Variants in CCDC3 observed in about 807,000 individuals in gnomAD.
CCDC3 encodes the protein coiled-coil domain containing 3, also known as coiled-coil domain-containing protein 3.
In CCDC3, 24 loss-of-function variants were observed where a neutral mutation model predicts 21.4. That is an observed-to-expected ratio of 1.12 (90% CI 0.81 to 1.58). CCDC3 has a LOEUF of 1.58. Ranked by LOEUF, CCDC3 falls within the 40% of genes most tolerant of loss-of-function variation. The pLI is 0.00. For synonymous variants in CCDC3, 186 were observed against 166.0 expected, an observed-to-expected ratio of 1.12 and a Z score of -0.93; for missense variants, 425 against 360.9, an observed-to-expected ratio of 1.18 and a Z score of -1.44.
intron 2 of CCDC3, among the ~76,000 whole-genome samples, chr10:12,956,855 T>C (rs551342596): frequency 4.6e-5 from 7 of 152,236 alleles, no homozygotes; most frequent in Admixed American, 3.9e-4. Context: ...TGATCCAATC[T>C]CCCTTAAGTT....
At chr10:12,938,636 T>A (rs1834775265) in intron 2 of CCDC3, among the ~76,000 whole-genome samples, 1 of 152,240 alleles carries the variant, frequency 6.6e-6, no homozygotes, top group South Asian at 2.1e-4. Context: ...GTTGAGTTAA[T>A]GTGCAAAATA....
chr10:12,911,274 C>T (rs1834267047), intron 2 of CCDC3, among the ~76,000 whole-genome samples: 1 of 152,112 alleles, frequency 6.6e-6, no homozygotes, highest in African/African-American at 2.4e-5. Context: ...CTTTCTTCCA[C>T]TAGACTAAAA....
chr10:13,059,379 C>T (rs1463171913), intron 4 of CCDC3, among the ~76,000 whole-genome samples: 1 of 152,168 alleles, frequency 6.6e-6, no homozygotes, highest in African/African-American at 2.4e-5. Flanking sequence ...ACTGGTTAAG[C>T]ATTAAAATTT....
Position 12,998,202 on chromosome 10 carries a change from G to A in CCDC3, c.549+136C>T, listed in dbSNP as rs773528287. On this transcript the variant is annotated intron_variant, in intron 2 of 2. Transcript: ENST00000378825. ...TGGGAGGTAAGGAGGGATAGCAGGA[G>A]AGAGAGAGGGCATACGCTAATACTC... The A allele has an allele frequency of 1.1e-4, 93 of 847,276 alleles. 2 individuals carry two copies. The South Asian group carries it at 1.2e-3, about 11-fold the overall frequency. 52.5% of individuals were successfully genotyped at this position (847,276 alleles called of 1,614,324 possible). A position where few individuals can be genotyped will look rare whatever the true frequency, so the allele number is the denominator to read the frequency against.
At chr10:12,985,538 G>A (rs56973740) in intron 2 of CCDC3, among the ~76,000 whole-genome samples, 2,351 of 152,306 alleles carry the variant, frequency 0.015, 66 homozygotes, top group African/African-American at 0.054. Context: ...ATGTCTTTCA[G>A]TAGGCAACTC....
intron 2 of CCDC3, among the ~76,000 whole-genome samples, chr10:12,923,347 A>G (rs1834482794): frequency 6.6e-6 from 1 of 152,186 alleles, no homozygotes; most frequent in South Asian, 2.1e-4. Flanking sequence ...CCTGAATTAC[A>G]GCCACTCTGA....
chr10:12,917,820 G>A (rs1018872293), intron 2 of CCDC3, among the ~76,000 whole-genome samples: 21 of 152,152 alleles, frequency 1.4e-4, no homozygotes, highest in African/African-American at 3.9e-4. Flanking sequence ...GGCTGTTACT[G>A]AATTTTGTAC....
chr10:13,061,273 G>A (rs1239143549), intron 4 of CCDC3, among the ~76,000 whole-genome samples: 7 of 152,170 alleles, frequency 4.6e-5, no homozygotes, highest in Admixed American at 2.0e-4. Context: ...TCACAGAACT[G>A]CTGTTACTGC....
chr10:12,937,679 C>G (rs12254466), intron 2 of CCDC3, among the ~76,000 whole-genome samples: 17 of 152,196 alleles, frequency 1.1e-4, no homozygotes, highest in Middle Eastern at 3.4e-3. Context: ...GTTTAAAAAC[C>G]CTTGTTCCAT....
At chr10:13,051,092 C>T (rs1356767868) in intron 4 of CCDC3, among the ~76,000 whole-genome samples, 1 of 152,194 alleles carries the variant, frequency 6.6e-6, no homozygotes, top group Non-Finnish European at 1.5e-5. Context: ...GTCTAAATAT[C>T]ATCAGCAGAT....
At chr10:12,936,738 T>A (rs149104761) in intron 2 of CCDC3, among the ~76,000 whole-genome samples, 9 of 152,236 alleles carry the variant, frequency 5.9e-5, no homozygotes, top group Admixed American at 5.9e-4. Context: ...GAGGCCCCCA[T>A]CTGTGCAAAA....
intron 4 of CCDC3, among the ~76,000 whole-genome samples, chr10:13,062,452 T>C (rs867002043): frequency 2.6e-5 from 4 of 152,212 alleles, no homozygotes; most frequent in South Asian, 2.1e-4. Flanking sequence ...TTTAAACCTG[T>C]GCCACACTAT....
chr10:12,908,121 A>G (rs1834203288), intron 2 of CCDC3, among the ~76,000 whole-genome samples: 1 of 152,262 alleles, frequency 6.6e-6, no homozygotes, highest in East Asian at 1.9e-4. Flanking sequence ...GTTCTACTAC[A>G]GAGATCATAA....
At chr10:13,069,793 T>C (rs1214685498) in intron 4 of CCDC3, among the ~76,000 whole-genome samples, 1 of 152,236 alleles carries the variant, frequency 6.6e-6, no homozygotes, top group Non-Finnish European at 1.5e-5. Flanking sequence ...CAATCATAAT[T>C]AAGGTTATTA....
At chr10:13,054,725 T>C (rs1288080116) in intron 4 of CCDC3, among the ~76,000 whole-genome samples, 1 of 152,074 alleles carries the variant, frequency 6.6e-6, no homozygotes, top group African/African-American at 2.4e-5. Flanking sequence ...TGGAGGGCAG[T>C]GGTGTGATCT....
At chr10:12,994,994 T>C (rs533105563) in intron 2 of CCDC3, among the ~76,000 whole-genome samples, 2 of 151,030 alleles carry the variant, frequency 1.3e-5, no homozygotes, top group African/African-American at 2.4e-5. Context: ...GGCAGGAGAA[T>C]CACTTGAACC....
intron 5 of CCDC3, among the ~76,000 whole-genome samples, chr10:13,028,179 T>C (rs571422): frequency 0.37 from 55,961 of 151,992 alleles, 10,832 homozygotes; most frequent in East Asian, 0.66. Context: ...AATTGAATCA[T>C]GGGGGTGGGT....
intron 4 of CCDC3, among the ~76,000 whole-genome samples, chr10:13,059,631 A>G (rs1446649659): frequency 6.6e-6 from 1 of 152,144 alleles, no homozygotes; most frequent in African/African-American, 2.4e-5. Flanking sequence ...ACAGAGAGAA[A>G]GGAAAAATTA....
At chr10:13,075,844 T>C (rs1836958328) in intron 3 of CCDC3, among the ~76,000 whole-genome samples, 2 of 151,876 alleles carry the variant, frequency 1.3e-5, no homozygotes, top group South Asian at 4.2e-4. Context: ...AGGTCAGGAG[T>C]TTGAGACCAG....
Sources: allele counts gnomAD v4.1 joint callset (sites outside exome capture counted in the v4.1 genomes callset), GRCh38; gene constraint gnomAD v4.1.1; transcripts MANE v1.5; gene names NCBI Gene and HGNC (gene_info 2026-07-23, HGNC 2026-07-21).